PTPRM: variants seen among roughly 807,000 people sequenced by gnomAD.
The protein encoded by PTPRM is protein tyrosine phosphatase receptor type M.
A neutral mutation model predicts 186.7 loss-of-function variants in PTPRM; 47 were observed. That is an observed-to-expected ratio of 0.25 (90% CI 0.20 to 0.32). PTPRM has a LOEUF of 0.32. Ranked by LOEUF, PTPRM falls within the 10% of genes least tolerant of loss-of-function variation. The pLI is 1.00. For synonymous variants in PTPRM, 668 were observed against 674.9 expected (o/e 0.99, Z 0.16); for missense variants, 1,494 against 1,865.0 (o/e 0.80, Z 3.66).
At chr18:7,897,307 C>T (rs2049413837) in intron 3 of PTPRM, among the ~76,000 whole-genome samples, 1 of 152,098 alleles carries the variant, frequency 6.6e-6, no homozygotes, top group Non-Finnish European at 1.5e-5. Flanking sequence ...CTGATATGTG[C>T]CAGTTGAAAA....
intron 23 of PTPRM, among the ~76,000 whole-genome samples, chr18:8,344,472 A>ATATATATATATATATATATATATC (rs1161839943): frequency 2.7e-5 from 4 of 146,922 alleles, no homozygotes; most frequent in African/African-American, 5.2e-5. Flanking sequence ...ATATATATAT[A>ATATATATATATATATATATATATC]TATCTAGCAA....
chr18:8,219,823 A>G (rs1361281872), intron 14 of PTPRM, among the ~76,000 whole-genome samples: 1 of 152,224 alleles, frequency 6.6e-6, no homozygotes, highest in Non-Finnish European at 1.5e-5. Context: ...TGACCTGCTT[A>G]ACAAAAGCAG....
chr18:8,045,332 T>C (rs920148840), intron 7 of PTPRM, among the ~76,000 whole-genome samples: 1 of 152,142 alleles, frequency 6.6e-6, no homozygotes, highest in Non-Finnish European at 1.5e-5. Flanking sequence ...TGAGTGACAA[T>C]GTGAGACTGT....
chr18:7,890,209 T>C (rs532593101), intron 3 of PTPRM, among the ~76,000 whole-genome samples: 25 of 152,362 alleles, frequency 1.6e-4, no homozygotes, highest in African/African-American at 6.0e-4. Context: ...TTAATTCCTT[T>C]GGCTCAGACA....
chr18:7,665,548 G>T (rs148718785), intron 1 of PTPRM, among the ~76,000 whole-genome samples: 51 of 152,234 alleles, frequency 3.4e-4, no homozygotes, highest in African/African-American at 1.2e-3. Flanking sequence ...ATTTTATTTT[G>T]CTTGAAGTTA....
At chr18:8,021,336 ACAC>A (rs2085214028) in intron 7 of PTPRM, among the ~76,000 whole-genome samples, 1 of 150,532 alleles carries the variant, frequency 6.6e-6, no homozygotes, top group Non-Finnish European at 1.5e-5. Flanking sequence ...ACACACACAC[ACAC>A]ACACACACAC....
Position 8,150,383 on chromosome 18 carries a change from A to G in PTPRM, c.2300+6604A>G, listed in dbSNP as rs189593769. On this transcript the variant is annotated intron_variant, in intron 14 of 32. Coordinates refer to ENST00000580170, the MANE Select transcript of PTPRM (RefSeq NM_001105244.2). ...TTCTCTAATCTTGTCTTCTCACTTT[A>G]TTTCATTAAGTTGATCTTCAGTCTC... 3.3e-5 allele frequency among the ~76,000 whole-genome samples: 5 copies of G among 151,638 alleles called. No individual in the cohort carries two copies. The East Asian group carries it at 9.7e-4, about 29-fold the overall frequency.
At chr18:7,977,075 A>G (rs1475050388) in intron 7 of PTPRM, among the ~76,000 whole-genome samples, 1 of 151,972 alleles carries the variant, frequency 6.6e-6, no homozygotes, top group East Asian at 1.9e-4. Flanking sequence ...TAAATTAATA[A>G]TACCTGAATT....
chr18:7,922,902 G>A lies in PTPRM; in HGVS notation c.548-3666G>A, dbSNP rs891185959. Among the ~76,000 whole-genome samples, 6 of 152,154 alleles carry A rather than the reference G, an allele frequency of 3.9e-5. No homozygotes were observed. In the East Asian group the frequency reaches 5.8e-4, roughly 15 times the overall value. On this transcript the variant is annotated intron_variant, in intron 4 of 32. Transcript: ENST00000580170. ...GGGATGTTTCCGTAAACTTGTTTAT[G>A]TATGATATGTATTAGGGTTTCTTAA... is the stretch of plus-strand genomic sequence containing the variant.
intron 19 of PTPRM, among the ~76,000 whole-genome samples, chr18:8,265,568 C>G (rs1461731653): frequency 7.5e-6 from 1 of 133,396 alleles, no homozygotes; most frequent in Non-Finnish European, 1.7e-5. Context: ...TGGAATGATA[C>G]AAAATAACTG....
chr18:7,926,939 G>A (rs2051207586), intron 5 of PTPRM, among the ~76,000 whole-genome samples: 2 of 151,418 alleles, frequency 1.3e-5, no homozygotes, highest in Admixed American at 1.3e-4. Flanking sequence ...TTACTTATAT[G>A]GCAGTTTATT....
intron 2 of PTPRM, among the ~76,000 whole-genome samples, chr18:7,861,186 C>G: frequency 6.6e-6 from 1 of 152,156 alleles, no homozygotes; most frequent in East Asian, 1.9e-4. Flanking sequence ...TAAATGAGTT[C>G]TACATGGCTG....
In PTPRM at chr18:7,567,731, C is replaced by G; in HGVS notation, c.-88C>G. 1 of 1,230,272 alleles carries G rather than the reference C, an allele frequency of 8.1e-7. No individual in the cohort carries two copies. The allele number at this position is 1,230,272 out of a possible 1,614,324, so 76.2% of individuals were successfully genotyped here. A position where few individuals can be genotyped will look rare whatever the true frequency, so the allele number is the denominator to read the frequency against. On this transcript the variant is annotated 5_prime_UTR_variant, in exon 1 of 33. Transcript: ENST00000580170. This position sits in a 1 kb window ranked among gnomAD's most constrained non-coding sequence, Gnocchi z 4.3. The stretch of plus-strand genomic sequence containing the variant: ...TCTGCTGTTTACCCGTCTCTCCTCG[C>G]TGCCTCGGAACCAAAGCTCCCGGCC...
intron 7 of PTPRM, among the ~76,000 whole-genome samples, chr18:7,966,625 G>C (rs973496920): frequency 6.7e-6 from 1 of 148,522 alleles, no homozygotes; most frequent in Non-Finnish European, 1.5e-5. Flanking sequence ...GAAGCAGGGC[G>C]AGGCATTGCC....
intron 7 of PTPRM, among the ~76,000 whole-genome samples, chr18:8,049,586 A>G (rs1318108975): frequency 1.3e-5 from 2 of 152,176 alleles, no homozygotes; most frequent in East Asian, 3.8e-4. Flanking sequence ...ATAAAGATTC[A>G]TGTTAATGGG....
At chr18:8,242,889 C>T (rs1434160212) in intron 14 of PTPRM, among the ~76,000 whole-genome samples, 1 of 152,212 alleles carries the variant, frequency 6.6e-6, no homozygotes, top group African/African-American at 2.4e-5. Flanking sequence ...CTAGGTCAAT[C>T]AGTGTCAAGA....
intron 7 of PTPRM, among the ~76,000 whole-genome samples, chr18:7,984,941 A>ATATACATATATAAT (rs1555677238): frequency 1.6e-3 from 72 of 43,814 alleles, no homozygotes; most frequent in African/African-American, 2.7e-3. Flanking sequence ...ATATATACAT[A>ATATACATATATAAT]TATATACATA....
At chr18:7,840,161 G>A (rs2046255268) in intron 2 of PTPRM, among the ~76,000 whole-genome samples, 1 of 152,030 alleles carries the variant, frequency 6.6e-6, no homozygotes, top group African/African-American at 2.4e-5. Context: ...CACCTCTTCA[G>A]TGCCTCTTTC....
At chr18:8,005,477 A>G (rs1232122498) in intron 7 of PTPRM, among the ~76,000 whole-genome samples, 1 of 152,210 alleles carries the variant, frequency 6.6e-6, no homozygotes, top group East Asian at 1.9e-4. Context: ...TACATAAGTA[A>G]TCCCATCTAA....
Sources: gnomAD v4.1 joint callset for allele counts (sites outside exome capture counted in the v4.1 genomes callset) on GRCh38, gnomAD v4.1.1 for gene constraint, Gnocchi (gnomAD v3.1) non-coding constraint, MANE v1.5 for transcripts, NCBI Gene and HGNC (gene_info 2026-07-23, HGNC 2026-07-21) for gene names.